ENKUR: variants seen among roughly 807,000 people sequenced by gnomAD.
The protein encoded by ENKUR is enkurin, TRPC channel interacting protein, also known as enkurin.
A neutral mutation model predicts 27.6 loss-of-function variants in ENKUR; 19 were observed. The ratio of observed to expected loss-of-function variants is 0.69; its 90% CI spans 0.48 to 1.01. The LOEUF is 1.01. ENKUR is among the 50% of genes least tolerant of loss of function. The pLI is 0.00. For synonymous variants in ENKUR, 117 were observed against 96.9 expected, an observed-to-expected ratio of 1.21 and a Z score of -1.22; for missense variants, 312 against 310.5, an observed-to-expected ratio of 1.00 and a Z score of -0.04.
intron 1 of ENKUR, among the ~76,000 whole-genome samples, chr10:25,008,826 A>G (rs1265757109): frequency 2.0e-5 from 3 of 152,202 alleles, no homozygotes; most frequent in African/African-American, 4.8e-5. Flanking sequence ...TTGTGGCACT[A>G]TTCACAATAG....
intron 2 of ENKUR, among the ~76,000 whole-genome samples, chr10:25,046,831 A>G: frequency 6.6e-6 from 1 of 152,208 alleles, no homozygotes; most frequent in East Asian, 1.9e-4. Context: ...TTTATTTACT[A>G]AAGCACCACA....
Position 24,982,534 on chromosome 10 carries a change from C to G in ENKUR, c.*1836G>C, listed in dbSNP as rs1441540396. 1.3e-5 allele frequency: 2 copies of G among 152,168 alleles called. No homozygotes were observed. The highest frequency in any genetic ancestry group is 4.8e-5 in the African/African-American group (2 of 41,436). 9.4% of individuals were successfully genotyped at this position (152,168 alleles called of 1,614,324 possible). On this transcript the variant is annotated 3_prime_UTR_variant, in exon 6 of 6. Coordinates refer to ENST00000331161, the MANE Select transcript of ENKUR (RefSeq NM_145010.4). ...ACTTTTTAGTTTCAGGTGTCTACTC[C>G]CAAGTGACTGCAGTCTCCATGTCTC...
At chr10:24,999,641 TAA>T (rs1850144381) in intron 1 of ENKUR, 95 bp from the exon 2 acceptor site, 1 of 1,133,278 alleles carries the variant, frequency 8.8e-7, no homozygotes, top group Admixed American at 2.5e-5. Context: ...TTAATTTATT[TAA>T]GTCTATATTC....
intron 2 of ENKUR, among the ~76,000 whole-genome samples, chr10:25,043,386 A>G (rs1851085815): frequency 1.3e-5 from 2 of 152,174 alleles, no homozygotes; most frequent in African/African-American, 4.8e-5. Flanking sequence ...TCTAATTATA[A>G]TTAATTTTTA....
chr10:25,012,261 G>A (rs1850463593), intron 1 of ENKUR, among the ~76,000 whole-genome samples: 1 of 152,258 alleles, frequency 6.6e-6, no homozygotes, highest in South Asian at 2.1e-4. Context: ...CCTCTGCTAG[G>A]GCAGTGTGGA....
chr10:25,022,576 TC>T (rs1446041329), intron 2 of ENKUR, among the ~76,000 whole-genome samples: 1 of 152,234 alleles, frequency 6.6e-6, no homozygotes, highest in Non-Finnish European at 1.5e-5. Context: ...CATACCTTTG[TC>T]CTGTAGTTTG....
At chr10:24,991,065 C>T (rs1310094463) in intron 3 of ENKUR, among the ~76,000 whole-genome samples, 3 of 152,174 alleles carry the variant, frequency 2.0e-5, no homozygotes, top group Non-Finnish European at 4.4e-5. Context: ...CCACTGCACT[C>T]CAGCCTGGGT....
intron 1 of ENKUR, among the ~76,000 whole-genome samples, chr10:25,005,508 A>G (rs1023497967): frequency 1.3e-5 from 2 of 152,186 alleles, no homozygotes; most frequent in Non-Finnish European, 2.9e-5. Context: ...AGGATTAACA[A>G]CTTTTCTTTT....
In ENKUR at chr10:25,014,521, GA is replaced by G. The variant is rs376706730; in HGVS notation, c.77+1338del. 4.1e-3 allele frequency among the ~76,000 whole-genome samples: 598 copies of G among 146,268 alleles called. 3 individuals carry two copies. The highest frequency in any genetic ancestry group is 7.0e-3 in the Middle Eastern group (2 of 284). On this transcript the variant is annotated intron_variant, in intron 1 of 5. Transcript: ENST00000331161. ...AAGACTGTTCCTATAAATTTTTTTT[GA>G]AAAAAAAAATCGTCTAGATGCAGTA... is the stretch of plus-strand genomic sequence containing the variant.
At chr10:25,025,363 C>T in intron 2 of ENKUR, 6 of 1,614,192 alleles carry the variant, frequency 3.7e-6, no homozygotes, top group Non-Finnish European at 5.1e-6. Context: ...GAGAACAAAA[C>T]AGCAAGAGAA....
intron 1 of ENKUR, among the ~76,000 whole-genome samples, chr10:25,005,555 C>T (rs1441459204): frequency 2.6e-5 from 4 of 152,266 alleles, no homozygotes; most frequent in Non-Finnish European, 4.4e-5. Flanking sequence ...ATTACACTAT[C>T]GTGTGGAACT....
At chr10:25,005,647 C>T (rs1043136400) in intron 1 of ENKUR, among the ~76,000 whole-genome samples, 8 of 152,196 alleles carry the variant, frequency 5.3e-5, no homozygotes, top group Non-Finnish European at 4.4e-5. Context: ...ACAGATATCC[C>T]TTAAGTCCAC....
In ENKUR at chr10:24,995,691, A is replaced by T; in HGVS notation, c.402T>A (p.His134Gln). The T allele has an allele frequency of 6.2e-7, 1 of 1,614,062 alleles. No individual in the cohort carries two copies. Among genetic ancestry groups the T allele is most frequent in the South Asian group, 1.1e-5 (1 of 91,034 alleles). The change falls in exon 3 of 6, where the codon CAT becomes CAA. Residue 134 changes from histidine to glutamine, a missense_variant. His to Gln is a conservative substitution (Grantham distance 24). Coordinates refer to ENST00000331161, the MANE Select transcript of ENKUR (RefSeq NM_145010.4). ...IYVDKRTGDK[H>Q]DLEPSGLVPK... ...GAACTAGTCCTGAAGGCTCAAGATC[A>T]TGCTTGTCTCCAGTTCTTTTATCAA...
chr10:25,045,739 A>T (rs1042454586), intron 2 of ENKUR, among the ~76,000 whole-genome samples: 2 of 152,188 alleles, frequency 1.3e-5, no homozygotes, highest in Non-Finnish European at 2.9e-5. Flanking sequence ...TGAGATTTTA[A>T]TATTTTATGA....
At chr10:25,044,480 T>C (rs1472750535) in intron 2 of ENKUR, among the ~76,000 whole-genome samples, 4 of 152,262 alleles carry the variant, frequency 2.6e-5, no homozygotes, top group South Asian at 2.1e-4. Flanking sequence ...CACTGCAACC[T>C]CAACCTCCTG....
intron 4 of ENKUR, among the ~76,000 whole-genome samples, chr10:24,989,932 A>AT (rs1849889014): frequency 1.3e-5 from 2 of 152,200 alleles, no homozygotes; most frequent in African/African-American, 4.8e-5. Flanking sequence ...GCATTAAAAA[A>AT]TCCAATATAA....
chr10:24,985,865 C>T (rs1462517074), intron 4 of ENKUR, among the ~76,000 whole-genome samples: 4 of 152,068 alleles, frequency 2.6e-5, no homozygotes, highest in Admixed American at 6.6e-5. Flanking sequence ...CCCAGGAGTT[C>T]GAGACCAGTG....
chr10:25,055,081 T>C (rs1330485107), intron 2 of ENKUR, among the ~76,000 whole-genome samples: 2 of 152,152 alleles, frequency 1.3e-5, no homozygotes, highest in Non-Finnish European at 2.9e-5. Flanking sequence ...AACTCACATC[T>C]AAATCTTTTA....
rs533096186 is a variant in ENKUR, at chr10:24,982,367, G to C, written c.*2003C>G. 8 of 152,302 alleles carry C rather than the reference G, an allele frequency of 5.3e-5. No individual in the cohort carries two copies. In the East Asian group the frequency reaches 5.8e-4, roughly 11 times the overall value. 9.4% of individuals were successfully genotyped at this position (152,302 alleles called of 1,614,324 possible). A position where few individuals can be genotyped will look rare whatever the true frequency, so the allele number is the denominator to read the frequency against. On this transcript the variant is annotated 3_prime_UTR_variant, in exon 6 of 6. Transcript: ENST00000331161. ...TACTATGGGAATGCCAGTTACAGTG[G>C]GTAGGGAAGAAGCAGCATTTCAAGA...
Sources: allele counts gnomAD v4.1 joint callset (sites outside exome capture counted in the v4.1 genomes callset), GRCh38; gene constraint gnomAD v4.1.1; transcripts MANE v1.5; gene names NCBI Gene and HGNC (gene_info 2026-07-23, HGNC 2026-07-21).